FAT4: variants seen among roughly 807,000 people sequenced by gnomAD.
FAT4 encodes the protein protocadherin Fat 4.
In FAT4, 84 loss-of-function variants were observed where a neutral mutation model predicts 303.9. The observed-to-expected ratio is 0.28, with a 90% CI of 0.23 to 0.33. The LOEUF is 0.33. Among genes scored for constraint, FAT4 ranks in the 10% least tolerant of loss-of-function variants. The probability of loss-of-function intolerance (pLI) is 1.00; values close to 1 mark genes in which losing one functional copy is unlikely to be tolerated. For synonymous variants in FAT4, 2,307 were observed against 2,298.8 expected, an observed-to-expected ratio of 1.00 and a Z score of -0.10; for missense variants, 6,005 against 6,146.8, an observed-to-expected ratio of 0.98 and a Z score of 0.77.
At chr4:125,475,880 A>G (rs1727010103) in intron 12 of FAT4, among the ~76,000 whole-genome samples, 1 of 152,156 alleles carries the variant, frequency 6.6e-6, no homozygotes, top group South Asian at 2.1e-4. Context: ...AAAAAAGATT[A>G]ACGGCATTTT....
Position 125,415,732 on chromosome 4 carries a change from C to G in FAT4, c.6769C>G (p.Pro2257Ala). The change falls in exon 6 of 18, where the codon CCT becomes GCT. Residue 2257 changes from proline (P) to alanine (A), a missense_variant. Physicochemically the swap from Pro to Ala is conservative, Grantham distance 27. Coordinates refer to ENST00000394329, the MANE Select transcript of FAT4 (RefSeq NM_001291303.3). Reference protein sequence around the residue: ...IVLLDINDFVPVFELSPYSVN... With the variant: ...IVLLDINDFVAVFELSPYSVN... ...TCTACTGGATATTAATGACTTTGTT[C>G]CTGTATTTGAGCTATCTCCATATTC... The G allele has an allele frequency of 6.2e-7, 1 of 1,613,928 alleles. No individual in the cohort carries two copies.
intron 2 of FAT4, among the ~76,000 whole-genome samples, chr4:125,376,535 A>G (rs1733330177): frequency 6.6e-6 from 1 of 152,202 alleles, no homozygotes; most frequent in African/African-American, 2.4e-5. Flanking sequence ...CCAACATGGC[A>G]TATGTATACA....
chr4:125,356,345 A>G lies in FAT4; in HGVS notation c.5175+34759A>G, dbSNP rs553532119. Among the ~76,000 whole-genome samples the G allele has an allele frequency of 2.0e-4, 30 of 152,128 alleles. No individual in the cohort carries two copies. In the South Asian group the frequency reaches 6.2e-3, roughly 32 times the overall value. On this transcript the variant is annotated intron_variant, in intron 2 of 17. Coordinates refer to ENST00000394329, the MANE Select transcript of FAT4 (RefSeq NM_001291303.3). The stretch of plus-strand genomic sequence containing the variant: ...AAGTAAATGTAGAGAAATGCTCTTT[A>G]TGGATTTATTGCATGTGTGGTCAAT...
chr4:125,331,689 A>G (rs1731389318), intron 2 of FAT4, among the ~76,000 whole-genome samples: 1 of 152,228 alleles, frequency 6.6e-6, no homozygotes, highest in South Asian at 2.1e-4. Context: ...AGTTATTGTT[A>G]TCGTAAACCA....
At chr4:125,348,680 A>G (rs1010895927) in intron 2 of FAT4, among the ~76,000 whole-genome samples, 3 of 151,766 alleles carry the variant, frequency 2.0e-5, no homozygotes, top group Non-Finnish European at 4.4e-5. Context: ...TGGAGCAATT[A>G]TCCAAGACAG....
At chr4:125,456,761 C>A (rs1241316615) in intron 10 of FAT4, among the ~76,000 whole-genome samples, 2 of 152,126 alleles carry the variant, frequency 1.3e-5, no homozygotes, top group Non-Finnish European at 2.9e-5. Context: ...ACCAAAACAT[C>A]TTAACATCTA....
At chr4:125,324,934 G>C (rs963408604) in intron 2 of FAT4, among the ~76,000 whole-genome samples, 2 of 151,822 alleles carry the variant, frequency 1.3e-5, no homozygotes, top group African/African-American at 4.8e-5. Context: ...AAAAATTAAA[G>C]AGTGGCATTA....
intron 14 of FAT4, among the ~76,000 whole-genome samples, chr4:125,478,664 G>A (rs1044666935): frequency 6.6e-5 from 10 of 151,986 alleles, no homozygotes; most frequent in Non-Finnish European, 1.0e-4. Context: ...CGGAGTAGCT[G>A]GGATTACAGG....
intron 7 of FAT4, among the ~76,000 whole-genome samples, chr4:125,427,714 T>C (rs926279682): frequency 2.6e-5 from 4 of 152,278 alleles, no homozygotes; most frequent in African/African-American, 7.2e-5. Flanking sequence ...AGCTAATACT[T>C]TATTACAACA....
At chr4:125,350,464 A>T (rs555629846) in intron 2 of FAT4, among the ~76,000 whole-genome samples, 1 of 151,758 alleles carries the variant, frequency 6.6e-6, no homozygotes, top group Admixed American at 6.6e-5. Flanking sequence ...AATTTCAATG[A>T]CTTCGTTTCT....
At chr4:125,426,528 G>C (rs1725092984) in intron 7 of FAT4, among the ~76,000 whole-genome samples, 1 of 151,934 alleles carries the variant, frequency 6.6e-6, no homozygotes, top group Admixed American at 6.6e-5. Context: ...TTTCTATGAA[G>C]TTTGTTAGTG....
intron 3 of FAT4, among the ~76,000 whole-genome samples, chr4:125,406,567 A>G (rs1160354470): frequency 6.6e-6 from 1 of 152,200 alleles, no homozygotes; most frequent in African/African-American, 2.4e-5. Flanking sequence ...ATTGTATTGA[A>G]TTTGTAAATT....
At chr4:125,347,200 T>C (rs1297680856) in intron 2 of FAT4, among the ~76,000 whole-genome samples, 1 of 150,512 alleles carries the variant, frequency 6.6e-6, no homozygotes, top group East Asian at 1.9e-4. Flanking sequence ...TTATAAATTA[T>C]ATATTATCAT....
intron 2 of FAT4, among the ~76,000 whole-genome samples, chr4:125,328,804 G>A (rs900409512): frequency 3.9e-5 from 6 of 152,136 alleles, no homozygotes; most frequent in Admixed American, 1.3e-4. Flanking sequence ...GGTTTATGGT[G>A]GAAGCAGGAT....
chr4:125,449,899 T>C lies in FAT4; in HGVS notation c.8889T>C (p.Pro2963=). 1 of 1,613,976 alleles carries C rather than the reference T, an allele frequency of 6.2e-7. No homozygotes were observed. Among genetic ancestry groups the C allele is most frequent in the East Asian group, 2.2e-5 (1 of 44,850 alleles). The change falls in exon 10 of 18, where the codon CCT becomes CCC. Residue 2963 remains proline, a synonymous_variant. Transcript: ENST00000394329. ...TGACATCTTCAGATCGAGGTAAACC[T>C]TCCTTAATTAGTGAGACAACAGTTA... The part of the protein sequence containing the change: ...FIVTSSDRGK[P]SLISETTVTI...
chr4:125,487,268 T>G (rs1727440191), intron 16 of FAT4, 77 bp from the exon 17 acceptor site: 18 of 1,410,154 alleles, frequency 1.3e-5, no homozygotes, highest in Non-Finnish European at 1.6e-5. Context: ...GTCAAAAATT[T>G]AAGTTTAGTT....
chr4:125,437,047 G>C (rs1208851000), intron 8 of FAT4, among the ~76,000 whole-genome samples: 1 of 151,962 alleles, frequency 6.6e-6, no homozygotes, highest in East Asian at 1.9e-4. Flanking sequence ...TTGAGATGGG[G>C]TTTCACCATG....
At chr4:125,406,526 T>C (rs1734613434) in intron 3 of FAT4, among the ~76,000 whole-genome samples, 1 of 152,232 alleles carries the variant, frequency 6.6e-6, no homozygotes. Flanking sequence ...TACCTATTTG[T>C]ATAAAAAATG....
chr4:125,356,713 G>A (rs1732441538), intron 2 of FAT4, among the ~76,000 whole-genome samples: 1 of 149,138 alleles, frequency 6.7e-6, no homozygotes, highest in Non-Finnish European at 1.5e-5. Context: ...TCTTTACAAT[G>A]CACATCCAAT....
Sources: allele counts gnomAD v4.1 joint callset (sites outside exome capture counted in the v4.1 genomes callset), GRCh38; gene constraint gnomAD v4.1.1; transcripts MANE v1.5; gene names NCBI Gene and HGNC (gene_info 2026-07-23, HGNC 2026-07-21).